The following CA8 variants were observed in gnomAD, a reference collection of about 807,000 sequenced individuals.
CA8 encodes the protein carbonic anhydrase 8 (inactive), also known as carbonic anhydrase-related protein.
CA8 carries 22 observed loss-of-function variants against 41.4 expected under a neutral mutation model. The ratio of observed to expected loss-of-function variants is 0.53; its 90% CI spans 0.38 to 0.76. CA8 has a LOEUF of 0.76. Ranked by LOEUF, CA8 falls within the 30% of genes least tolerant of loss-of-function variation. CA8 has a pLI of 0.00. For missense variants in CA8, 270 were observed against 352.8 expected (o/e 0.77, Z 1.88); for synonymous variants, 121 against 130.6 (o/e 0.93, Z 0.50).
intron 3 of CA8, among the ~76,000 whole-genome samples, chr8:60,245,228 CT>C (rs1808186801): frequency 6.6e-6 from 1 of 151,332 alleles, no homozygotes; most frequent in Non-Finnish European, 1.5e-5. Context: ...TTTTGATGGG[CT>C]AAAAAAACAA....
At chr8:60,194,330 G>A (rs1024513497) in intron 8 of CA8, among the ~76,000 whole-genome samples, 1 of 152,116 alleles carries the variant, frequency 6.6e-6, no homozygotes, top group East Asian at 1.9e-4. Flanking sequence ...TGGAGGCGGA[G>A]GGCACCGTGG....
intron 2 of CA8, among the ~76,000 whole-genome samples, chr8:60,266,501 C>T (rs982455496): frequency 6.6e-6 from 1 of 152,152 alleles, no homozygotes; most frequent in Admixed American, 6.5e-5. Flanking sequence ...ATTTAGCGAA[C>T]GGGTGTGTGG....
chr8:60,212,030 G>A, intron 7 of CA8, among the ~76,000 whole-genome samples: 1 of 152,278 alleles, frequency 6.6e-6, no homozygotes, highest in Admixed American at 6.5e-5. Context: ...CTTAAACATA[G>A]TATGTGTTAT....
intron 5 of CA8, among the ~76,000 whole-genome samples, chr8:60,225,321 A>G (rs895143251): frequency 1.3e-5 from 2 of 152,182 alleles, no homozygotes; most frequent in African/African-American, 4.8e-5. Context: ...TGCAATAGGG[A>G]AAGTTATTGC....
At chr8:60,201,066 T>C (rs952040827) in intron 8 of CA8, among the ~76,000 whole-genome samples, 1 of 152,146 alleles carries the variant, frequency 6.6e-6, no homozygotes, top group African/African-American at 2.4e-5. Context: ...AAGGCAAATC[T>C]GCAGAACTTG....
At position 60,257,230 on chromosome 8, in the gene CA8, A is replaced by C. The variant is rs368591815; in HGVS notation, c.417+8695T>G. The stretch of plus-strand genomic sequence containing the variant: ...TAACCTCAGGTGATCTGCCTGCCTC[A>C]GCCTCCCAAAGTGCTGGGATTAAAA... On this transcript the variant is annotated intron_variant, in intron 3 of 8. Coordinates refer to ENST00000317995, the MANE Select transcript of CA8 (RefSeq NM_004056.6). 3.3e-5 allele frequency among the ~76,000 whole-genome samples: 5 copies of C among 152,154 alleles called. No homozygotes were observed. The South Asian group carries it at 8.3e-4, about 25-fold the overall frequency.
chr8:60,202,316 G>C (rs1368291686), intron 8 of CA8, among the ~76,000 whole-genome samples: 1 of 151,338 alleles, frequency 6.6e-6, no homozygotes, highest in Non-Finnish European at 1.5e-5. Context: ...CTCACAAACT[G>C]CTGGGATTAC....
intron 4 of CA8, among the ~76,000 whole-genome samples, chr8:60,231,808 T>C (rs1346686839): frequency 6.6e-6 from 1 of 152,224 alleles, no homozygotes; most frequent in African/African-American, 2.4e-5. Flanking sequence ...ATTGACTATA[T>C]CTGCCAAGGT....
intron 3 of CA8, among the ~76,000 whole-genome samples, chr8:60,258,908 C>T (rs372070574): frequency 5.3e-5 from 8 of 152,182 alleles, no homozygotes; most frequent in Admixed American, 2.0e-4. Flanking sequence ...TCCTAACAGG[C>T]CAGGTACCAG....
At chr8:60,230,158 C>T (rs903397604) in intron 4 of CA8, among the ~76,000 whole-genome samples, 1 of 152,202 alleles carries the variant, frequency 6.6e-6, no homozygotes, top group Non-Finnish European at 1.5e-5. Context: ...CAATGTCCTG[C>T]CTTTCTCCAC....
intron 7 of CA8, among the ~76,000 whole-genome samples, chr8:60,215,712 C>A (rs1284826493): frequency 6.6e-6 from 1 of 152,106 alleles, no homozygotes; most frequent in Non-Finnish European, 1.5e-5. Context: ...TAAGAAGGGG[C>A]TTCCAATTTT....
At chr8:60,264,126 C>T (rs1246641721) in intron 3 of CA8, among the ~76,000 whole-genome samples, 3 of 152,218 alleles carry the variant, frequency 2.0e-5, no homozygotes, top group Non-Finnish European at 4.4e-5. Flanking sequence ...TGAAACGTCA[C>T]CAAGTAACCA....
intron 7 of CA8, among the ~76,000 whole-genome samples, chr8:60,211,977 T>C (rs1243603923): frequency 2.0e-5 from 3 of 152,252 alleles, no homozygotes; most frequent in African/African-American, 4.8e-5. Context: ...TATTATCACA[T>C]ATATCTGAAT....
intron 2 of CA8, among the ~76,000 whole-genome samples, chr8:60,273,719 T>G (rs1804141572): frequency 6.6e-6 from 1 of 152,172 alleles, no homozygotes; most frequent in Non-Finnish European, 1.5e-5. Context: ...TTCCAAAAAT[T>G]CCATTTCCAG....
In CA8 at chr8:60,189,462, A is replaced by G. The variant is rs1280429057; in HGVS notation, c.*559T>C. On this transcript the variant is annotated 3_prime_UTR_variant, in exon 9 of 9. Coordinates refer to ENST00000317995, the MANE Select transcript of CA8 (RefSeq NM_004056.6). ...ATGTTTCCCATGGCAATCCAGCCTA[A>G]TATTAATTGTGGTATGGGTGCTGAA... 3 of 152,150 alleles carry G rather than the reference A, an allele frequency of 2.0e-5. No individual in the cohort carries two copies. The highest frequency in any genetic ancestry group is 4.4e-5 in the Non-Finnish European group (3 of 68,008). The allele number at this position is 152,150 out of a possible 1,614,324, so 9.4% of individuals were successfully genotyped here. A position where few individuals can be genotyped will look rare whatever the true frequency, so the allele number is the denominator to read the frequency against.
chr8:60,206,625 C>T (rs768269176), intron 8 of CA8, among the ~76,000 whole-genome samples: 9 of 119,376 alleles, frequency 7.5e-5, no homozygotes, highest in Non-Finnish European at 1.2e-4. Flanking sequence ...TCTTCCTCTG[C>T]TCCTATCCAT....
chr8:60,202,066 T>C (rs1478798962), intron 8 of CA8, among the ~76,000 whole-genome samples: 1 of 150,924 alleles, frequency 6.6e-6, no homozygotes, highest in African/African-American at 2.4e-5. Context: ...TTTTTTGAGA[T>C]GGAGTCTCGC....
At chr8:60,200,124 T>G (rs1806380789) in intron 8 of CA8, among the ~76,000 whole-genome samples, 1 of 152,206 alleles carries the variant, frequency 6.6e-6, no homozygotes, top group Non-Finnish European at 1.5e-5. Flanking sequence ...AGAAAACCAG[T>G]AGGCCCCTTC....
At chr8:60,203,680 T>C (rs1052645133) in intron 8 of CA8, among the ~76,000 whole-genome samples, 1 of 152,206 alleles carries the variant, frequency 6.6e-6, no homozygotes, top group African/African-American at 2.4e-5. Flanking sequence ...TTTAAAAAAG[T>C]ATCTCCTTAT....
Sources: gnomAD v4.1 joint callset for allele counts (sites outside exome capture counted in the v4.1 genomes callset) on GRCh38, gnomAD v4.1.1 for gene constraint, MANE v1.5 for transcripts, NCBI Gene and HGNC (gene_info 2026-07-23, HGNC 2026-07-21) for gene names.